The following ADGRV1 variants were observed in gnomAD, a reference collection of about 807,000 sequenced individuals.
The protein encoded by ADGRV1 is G-protein coupled receptor 98.
A neutral mutation model predicts 596.2 loss-of-function variants in ADGRV1; 359 were observed. That is an observed-to-expected ratio of 0.60 (90% CI 0.55 to 0.66). ADGRV1 has a LOEUF of 0.66. Among genes scored for constraint, ADGRV1 ranks in the 30% least tolerant of loss-of-function variants. The pLI, the probability that ADGRV1 is intolerant of heterozygous loss-of-function variation, is 0.00. For synonymous variants in ADGRV1, 2,681 were observed against 2,679.2 expected, an observed-to-expected ratio of 1.00 and a Z score of -0.02; for missense variants, 7,274 against 7,575.6, an observed-to-expected ratio of 0.96 and a Z score of 1.48.
intron 1 of ADGRV1, among the ~76,000 whole-genome samples, chr5:90,585,917 A>T (rs1758700081): frequency 6.6e-6 from 1 of 152,168 alleles, no homozygotes; most frequent in Non-Finnish European, 1.5e-5. Flanking sequence ...CTCTGTCCTT[A>T]GTGGGGATGG....
At chr5:91,145,703 C>T (rs373381463) in intron 87 of ADGRV1, among the ~76,000 whole-genome samples, 33 of 151,362 alleles carry the variant, frequency 2.2e-4, no homozygotes, top group African/African-American at 6.3e-4. Context: ...ACTTTTAGAT[C>T]ATGGTTAGAG....
intron 83 of ADGRV1, among the ~76,000 whole-genome samples, chr5:90,873,607 A>G (rs558704788): frequency 3.3e-4 from 50 of 152,290 alleles, no homozygotes; most frequent in African/African-American, 1.1e-3. Context: ...CTTTTAAAGT[A>G]TAGATTTCTT....
chr5:91,093,977 G>A (rs894175658), intron 86 of ADGRV1, among the ~76,000 whole-genome samples: 2 of 150,744 alleles, frequency 1.3e-5, no homozygotes, highest in Non-Finnish European at 2.9e-5. Flanking sequence ...TCAGCCTCCC[G>A]AGTAGCTGGG....
chr5:90,638,271 T>C (rs1766503956), intron 11 of ADGRV1, among the ~76,000 whole-genome samples: 1 of 152,016 alleles, frequency 6.6e-6, no homozygotes, highest in African/African-American at 2.4e-5. Context: ...CCAGCAAATC[T>C]AAAATGTTAG....
chr5:91,160,581 T>C (rs1238780211), intron 89 of ADGRV1, among the ~76,000 whole-genome samples: 1 of 152,224 alleles, frequency 6.6e-6, no homozygotes. Context: ...TATAATTGCC[T>C]GTTCTATTGA....
chr5:90,765,028 C>A (rs1756946555), intron 59 of ADGRV1, among the ~76,000 whole-genome samples: 1 of 152,116 alleles, frequency 6.6e-6, no homozygotes, highest in South Asian at 2.1e-4. Flanking sequence ...CACCTACTTT[C>A]CATGGGGCTC....
chr5:90,605,416 A>C (rs1453907934), intron 1 of ADGRV1, among the ~76,000 whole-genome samples: 1 of 145,220 alleles, frequency 6.9e-6, no homozygotes, highest in East Asian at 1.9e-4. Context: ...TACGTCTTAA[A>C]AAAAAAAAAA....
intron 85 of ADGRV1, among the ~76,000 whole-genome samples, chr5:91,050,016 A>G (rs1786173492): frequency 6.6e-6 from 1 of 152,218 alleles, no homozygotes; most frequent in South Asian, 2.1e-4. Flanking sequence ...CCTGCCAGGG[A>G]GAATTCCAGA....
Position 90,684,099 on chromosome 5 carries a change from A to G in ADGRV1, c.6178A>G (p.Ile2060Val), listed in dbSNP as rs763179796. ...GANQSEATIA[I>V]SILDDDEPER... ...TAATCAGAGTGAGGCAACAATAGCT[A>G]TTTCAATTTTGGATGATGATGAGCC... Residue 2060 changes from isoleucine (I) to valine (V), a missense_variant, in exon 28 of 90, where the codon ATT (isoleucine) becomes GTT (valine). Ile to Val is a conservative substitution (Grantham distance 29). This residue lies in a region of ADGRV1 where 3,643 missense variants were observed against 3,809.2 expected (regional missense o/e 0.96). Transcript: ENST00000405460. 3.1e-6 allele frequency: 5 copies of G among 1,613,914 alleles called. No individual in the cohort carries two copies. The Admixed American group carries it at 5.0e-5, about 16-fold the overall frequency.
At chr5:90,908,771 A>G (rs1192502389) in intron 83 of ADGRV1, among the ~76,000 whole-genome samples, 1 of 152,250 alleles carries the variant, frequency 6.6e-6, no homozygotes, top group African/African-American at 2.4e-5. Context: ...TTAAAAAACA[A>G]AGTGTAACAT....
chr5:91,027,703 C>T (rs932290405), intron 85 of ADGRV1, among the ~76,000 whole-genome samples: 4 of 152,148 alleles, frequency 2.6e-5, no homozygotes, highest in Admixed American at 6.6e-5. Flanking sequence ...ATCAGGATCT[C>T]ATTAAGGGAA....
chr5:90,999,075 T>G (rs551867580), intron 85 of ADGRV1, among the ~76,000 whole-genome samples: 1 of 152,198 alleles, frequency 6.6e-6, no homozygotes, highest in South Asian at 2.1e-4. Context: ...TTTTCAATGA[T>G]TTAGAGAGTG....
chr5:90,569,385 ATATTTTTTTTTT>A (rs1756193605), intron 1 of ADGRV1, among the ~76,000 whole-genome samples: 1 of 16,490 alleles, frequency 6.1e-5, no homozygotes, highest in African/African-American at 2.8e-4. Flanking sequence ...ATATATATAT[ATATTTTTTTTTT>A]TTTTTTTTTT....
At position 90,822,908 on chromosome 5, in the gene ADGRV1, A is replaced by G. The variant is rs551138924; in HGVS notation, c.16197-517A>G. 2.1e-4 allele frequency among the ~76,000 whole-genome samples: 32 copies of G among 152,166 alleles called. No homozygotes were observed. In the South Asian group the frequency reaches 2.9e-3, roughly 14 times the overall value. On this transcript the variant is annotated intron_variant, in intron 75 of 89. Coordinates refer to ENST00000405460, the MANE Select transcript of ADGRV1 (RefSeq NM_032119.4). ...TTGAAGCAATTGTGAATGGGAGTTC[A>G]CTCATGATTTGGCTCTCTGTTTGTC...
In ADGRV1 at chr5:90,788,443, C is replaced by T. The variant is rs1759718152; in HGVS notation, c.13893+133C>T. On this transcript the variant is annotated intron_variant, in intron 68 of 89. Coordinates refer to ENST00000405460, the MANE Select transcript of ADGRV1 (RefSeq NM_032119.4). ...AAAACCAAATAATATCATAATAATT[C>T]TGAAGGGTCAAACTTTTTGGTTTTC... 6.9e-6 allele frequency: 6 copies of T among 865,092 alleles called. No homozygotes were observed. In the South Asian group the frequency reaches 7.7e-5, roughly 11 times the overall value. The allele number at this position is 865,092 out of a possible 1,614,324, so 53.6% of individuals were successfully genotyped here.
rs1166292525 is a variant in ADGRV1 at position 90,674,054 on chromosome 5, G to A, written c.4930G>A (p.Val1644Ile). The change falls in exon 23 of 90, where the codon GTT (valine) becomes ATT (isoleucine). Residue 1644 changes from valine to isoleucine, a missense_variant and splice_region_variant. Val to Ile is a conservative substitution (Grantham distance 29). Coordinates refer to ENST00000405460, the MANE Select transcript of ADGRV1 (RefSeq NM_032119.4). The stretch of plus-strand genomic sequence containing the variant: ...TGCCTCTGGATATTTATATTTTTAG[G>A]TTCTGAATATATATGTTCTTGATGA... The part of the protein sequence containing the change: ...ITFLPWQRSE[V>I]LNIYVLDDDI... The A allele has an allele frequency of 1.9e-6, 3 of 1,600,600 alleles. No homozygotes were observed. The highest frequency in any genetic ancestry group is 1.7e-6 in the Non-Finnish European group (2 of 1,170,474).
At position 90,703,654 on chromosome 5, in the gene ADGRV1, T is replaced by C; in HGVS notation, c.8156-11T>C. On this transcript the variant is annotated splice_polypyrimidine_tract_variant and intron_variant, in intron 34 of 89. Transcript: ENST00000405460. ...ATTAAGTATTTATCAATTTACACAT[T>C]TTACTTGCAGGAGAAATTTTACAAT... is the stretch of plus-strand genomic sequence containing the variant. 6.3e-7 allele frequency: 1 copy of C among 1,585,700 alleles called. No individual in the cohort carries two copies. Among genetic ancestry groups the C allele is most frequent in the Non-Finnish European group, 8.6e-7 (1 of 1,160,698 alleles).
intron 58 of ADGRV1, among the ~76,000 whole-genome samples, chr5:90,760,353 G>C (rs1473514044): frequency 6.6e-6 from 1 of 151,960 alleles, no homozygotes; most frequent in Non-Finnish European, 1.5e-5. Context: ...CTTTTGAGTG[G>C]TCTATTGAAT....
At chr5:90,880,325 A>G (rs760611076) in intron 83 of ADGRV1, among the ~76,000 whole-genome samples, 9 of 152,218 alleles carry the variant, frequency 5.9e-5, no homozygotes, top group Non-Finnish European at 1.3e-4. Flanking sequence ...AATGTATGTC[A>G]TGTACAGTAT....
Sources: allele counts gnomAD v4.1 joint callset (sites outside exome capture counted in the v4.1 genomes callset), GRCh38; gene constraint gnomAD v4.1.1; regional missense constraint gnomAD v4.1.1; transcripts MANE v1.5; gene names NCBI Gene and HGNC (gene_info 2026-07-23, HGNC 2026-07-21).